Variants in SEMA5A observed in about 807,000 individuals in gnomAD.
SEMA5A encodes the protein semaphorin-5A.
In SEMA5A, 55 loss-of-function variants were observed where a neutral mutation model predicts 135.5. That is an observed-to-expected ratio of 0.41 (90% CI 0.33 to 0.51). SEMA5A has a LOEUF of 0.51. Among genes scored for constraint, SEMA5A ranks in the 20% least tolerant of loss-of-function variants. SEMA5A has a pLI of 0.37. For synonymous variants in SEMA5A, 580 were observed against 546.5 expected (o/e 1.06, Z -0.85); for missense variants, 1,290 against 1,419.9 (o/e 0.91, Z 1.47).
At chr5:9,128,755 T>C (rs539955912) in intron 13 of SEMA5A, among the ~76,000 whole-genome samples, 2 of 152,356 alleles carry the variant, frequency 1.3e-5, no homozygotes, top group East Asian at 3.9e-4. Flanking sequence ...GCTACTTATT[T>C]GGAAGATGTA....
chr5:9,057,859 A>G (rs1196659720), intron 18 of SEMA5A, among the ~76,000 whole-genome samples: 1 of 152,186 alleles, frequency 6.6e-6, no homozygotes, highest in Non-Finnish European at 1.5e-5. Context: ...TCTTTATGTT[A>G]CAGGTTTCAA....
At chr5:9,438,325 A>G (rs1255582942) in intron 1 of SEMA5A, among the ~76,000 whole-genome samples, 1 of 152,188 alleles carries the variant, frequency 6.6e-6, no homozygotes, top group African/African-American at 2.4e-5. Context: ...TTGAGTTTGT[A>G]TTTTTATTTA....
chr5:9,505,460 T>C (rs534072167), intron 1 of SEMA5A, among the ~76,000 whole-genome samples: 1 of 152,326 alleles, frequency 6.6e-6, no homozygotes, highest in African/African-American at 2.4e-5. Context: ...CCTGGATGTT[T>C]TGGAAAACAG....
chr5:9,113,312 T>C (rs1740342362), intron 15 of SEMA5A, among the ~76,000 whole-genome samples: 1 of 152,220 alleles, frequency 6.6e-6, no homozygotes, highest in South Asian at 2.1e-4. Flanking sequence ...GGAAGCAGAA[T>C]AATTTTGAGG....
At position 9,074,834 on chromosome 5, in the gene SEMA5A, C is replaced by T. The variant is rs1032072785; in HGVS notation, c.2074-8188G>A. On this transcript the variant is annotated intron_variant, in intron 16 of 22. Coordinates refer to ENST00000382496, the MANE Select transcript of SEMA5A (RefSeq NM_003966.3). Reference sequence around the variant, plus strand: ...AAACAAAAGCCCCCAAACCCAAAATCGTGTCACAGTATCAGATGCTGAGGA... The same window carrying T: ...AAACAAAAGCCCCCAAACCCAAAATTGTGTCACAGTATCAGATGCTGAGGA... Among the ~76,000 whole-genome samples the T allele has an allele frequency of 3.9e-5, 6 of 152,272 alleles. No individual in the cohort carries two copies. In the East Asian group the frequency reaches 9.6e-4, roughly 24 times the overall value.
rs148142289 is a variant in SEMA5A, at chr5:9,108,359, A to C, written c.1926-72T>G. The stretch of plus-strand genomic sequence containing the variant: ...TGAAACCACTGACGTTTCCATCTCC[A>C]TCCCTGCACCAGATGTTGAACACAT... On this transcript the variant is annotated intron_variant, in intron 15 of 22. Coordinates refer to ENST00000382496, the MANE Select transcript of SEMA5A (RefSeq NM_003966.3). 42 of 1,553,606 alleles carry C rather than the reference A, an allele frequency of 2.7e-5. No homozygotes were observed. The African/African-American group carries it at 5.7e-4, about 21-fold the overall frequency.
chr5:9,493,897 G>T (rs1345452414), intron 1 of SEMA5A, among the ~76,000 whole-genome samples: 1 of 152,134 alleles, frequency 6.6e-6, no homozygotes, highest in Non-Finnish European at 1.5e-5. Context: ...GTTTGAATTT[G>T]TTTCTTAATA....
At chr5:9,229,908 A>G (rs1175937722) in intron 6 of SEMA5A, among the ~76,000 whole-genome samples, 1 of 152,196 alleles carries the variant, frequency 6.6e-6, no homozygotes, top group Non-Finnish European at 1.5e-5. Context: ...AATAACCAAG[A>G]TATCAAATAT....
At chr5:9,429,085 A>G (rs1361711029) in intron 2 of SEMA5A, among the ~76,000 whole-genome samples, 1 of 152,212 alleles carries the variant, frequency 6.6e-6, no homozygotes, top group Non-Finnish European at 1.5e-5. Context: ...GACTTAATTC[A>G]TCCGGCCATG....
intron 5 of SEMA5A, among the ~76,000 whole-genome samples, chr5:9,299,226 G>T (rs3734152): frequency 0.68 from 102,875 of 152,022 alleles, 37,926 homozygotes; most frequent in Non-Finnish European, 0.83. Flanking sequence ...GTTGGAATGG[G>T]GAATCTCATA....
intron 5 of SEMA5A, among the ~76,000 whole-genome samples, chr5:9,295,346 A>C (rs1751283973): frequency 6.6e-6 from 1 of 152,234 alleles, no homozygotes; most frequent in South Asian, 2.1e-4. Context: ...TGACAGAGGC[A>C]GTGCCTAGGA....
At chr5:9,310,877 T>C (rs553219894) in intron 5 of SEMA5A, among the ~76,000 whole-genome samples, 1 of 150,268 alleles carries the variant, frequency 6.7e-6, no homozygotes, top group South Asian at 2.1e-4. Flanking sequence ...ATATATAATA[T>C]ATATATACAT....
chr5:9,291,483 T>C (rs1751075343), intron 5 of SEMA5A, among the ~76,000 whole-genome samples: 4 of 152,206 alleles, frequency 2.6e-5, no homozygotes, highest in Admixed American at 2.6e-4. Context: ...AGGTGCCATG[T>C]AAGAAGTTCA....
chr5:9,050,204 C>A (rs143924134), intron 21 of SEMA5A, among the ~76,000 whole-genome samples: 1 of 152,126 alleles, frequency 6.6e-6, no homozygotes, highest in Non-Finnish European at 1.5e-5. Context: ...CGTGGGTCTA[C>A]GCACCCCATT....
chr5:9,321,487 A>G (rs1021283987), intron 4 of SEMA5A, among the ~76,000 whole-genome samples: 2 of 152,198 alleles, frequency 1.3e-5, no homozygotes, highest in African/African-American at 4.8e-5. Context: ...TGCAAAAACC[A>G]GAGTTCTGCC....
At chr5:9,071,336 T>A (rs887830412) in intron 16 of SEMA5A, among the ~76,000 whole-genome samples, 1 of 152,154 alleles carries the variant, frequency 6.6e-6, no homozygotes, top group Non-Finnish European at 1.5e-5. Flanking sequence ...CAGGCCCCCA[T>A]CACCATAGGC....
chr5:9,515,416 A>G (rs1736454369), intron 1 of SEMA5A, among the ~76,000 whole-genome samples: 1 of 152,250 alleles, frequency 6.6e-6, no homozygotes, highest in Non-Finnish European at 1.5e-5. Flanking sequence ...AAAAGTTAAC[A>G]TAGGGCAGCT....
chr5:9,461,794 A>C (rs1301976639), intron 1 of SEMA5A, among the ~76,000 whole-genome samples: 1 of 152,246 alleles, frequency 6.6e-6, no homozygotes, highest in African/African-American at 2.4e-5. Context: ...TCTTTTATTT[A>C]AAAAACTATG....
intron 15 of SEMA5A, among the ~76,000 whole-genome samples, chr5:9,112,456 T>C (rs1372340177): frequency 6.6e-6 from 1 of 152,218 alleles, no homozygotes; most frequent in African/African-American, 2.4e-5. Flanking sequence ...TCTTCTTGCT[T>C]CACTCTAAAT....
Sources: allele counts gnomAD v4.1 joint callset (sites outside exome capture counted in the v4.1 genomes callset), GRCh38; gene constraint gnomAD v4.1.1; transcripts MANE v1.5; gene names NCBI Gene and HGNC (gene_info 2026-07-23, HGNC 2026-07-21).